The following DIP2C variants were observed in gnomAD, a reference collection of about 807,000 sequenced individuals.
The protein encoded by DIP2C is DIP2 acetate--CoA ligase C (putative), also known as disco-interacting protein 2 homolog C.
A neutral mutation model predicts 192.4 loss-of-function variants in DIP2C; 33 were observed. That is an observed-to-expected ratio of 0.17 (90% CI 0.13 to 0.23). The LOEUF is 0.23. DIP2C is among the 10% of genes least tolerant of loss of function. The probability of loss-of-function intolerance (pLI) is 1.00; values close to 1 mark genes in which losing one functional copy is unlikely to be tolerated. For missense variants in DIP2C, 1,537 were observed against 2,110.1 expected, an observed-to-expected ratio of 0.73 and a Z score of 5.32; for synonymous variants, 979 against 864.1, an observed-to-expected ratio of 1.13 and a Z score of -2.33.
intron 1 of DIP2C, among the ~76,000 whole-genome samples, chr10:673,382 C>T (rs1004836530): frequency 2.6e-5 from 4 of 152,212 alleles, no homozygotes; most frequent in Non-Finnish European, 5.9e-5. Context: ...GAAAAAGGAT[C>T]CACATGAGAG....
rs1320673537 is a variant in DIP2C at position 417,713 on chromosome 10, T to C, written c.739+1352A>G. ...GTCCGCCTGTGCCTGTCGGCTCAAATAGGCCTCCCTGTCTGCCTGCGCCTG... is the reference window on the plus strand; with the variant it reads ...GTCCGCCTGTGCCTGTCGGCTCAAACAGGCCTCCCTGTCTGCCTGCGCCTG... On this transcript the variant is annotated intron_variant, in intron 6 of 36. Coordinates refer to ENST00000280886, the MANE Select transcript of DIP2C (RefSeq NM_014974.3). 3.8e-3 allele frequency among the ~76,000 whole-genome samples: 382 copies of C among 99,310 alleles called. 94 individuals are homozygous for C. Among genetic ancestry groups the C allele is most frequent in the Admixed American group, 4.8e-3 (47 of 9,762 alleles). 65.2% of individuals were successfully genotyped at this position (99,310 alleles called of 152,430 possible). A position where few individuals can be genotyped will look rare whatever the true frequency, so the allele number is the denominator to read the frequency against.
At chr10:559,979 C>T (rs1238969624) in intron 1 of DIP2C, among the ~76,000 whole-genome samples, 1 of 140,116 alleles carries the variant, frequency 7.1e-6, no homozygotes, top group Non-Finnish European at 1.6e-5. Context: ...CCCCCCACTC[C>T]TGTTCTCCTC....
chr10:288,987 G>C (rs1404252975), intron 32 of DIP2C, among the ~76,000 whole-genome samples: 1 of 152,248 alleles, frequency 6.6e-6, no homozygotes, highest in Admixed American at 6.5e-5. Context: ...GGACATCGCA[G>C]CAGGCCACAA....
intron 3 of DIP2C, among the ~76,000 whole-genome samples, chr10:468,782 A>G (rs1460426563): frequency 1.3e-5 from 2 of 151,650 alleles, no homozygotes; most frequent in African/African-American, 2.4e-5. Flanking sequence ...TCTCAAAAAC[A>G]AACAAAAAAA....
intron 1 of DIP2C, among the ~76,000 whole-genome samples, chr10:500,516 C>A (rs1845149562): frequency 6.6e-6 from 1 of 152,256 alleles, no homozygotes; most frequent in East Asian, 1.9e-4. Flanking sequence ...TTATCCTGAA[C>A]TTTATTTCCT....
At chr10:310,156 T>TACTA (rs1277806852) in intron 31 of DIP2C, 64 bp from the exon 32 acceptor site, 6 of 1,413,346 alleles carry the variant, frequency 4.2e-6, no homozygotes, top group Non-Finnish European at 5.0e-6. Context: ...TCTGTGCTTC[T>TACTA]ACTAGTTAGG....
At chr10:278,219 G>A (rs1385527984) in intron 36 of DIP2C, among the ~76,000 whole-genome samples, 2 of 148,580 alleles carry the variant, frequency 1.3e-5, no homozygotes, top group African/African-American at 5.0e-5. Flanking sequence ...CTCTGTCTGT[G>A]CACCCGAGTC....
intron 1 of DIP2C, chr10:668,668 A>G (rs556183141): frequency 1.3e-5 from 2 of 152,386 alleles, no homozygotes; most frequent in Admixed American, 1.3e-4. Flanking sequence ...CAACACATTC[A>G]TACAACACAT....
In DIP2C at chr10:663,328, G is replaced by A. The variant is rs190242191; in HGVS notation, c.85+26166C>T. 401 of 168,426 alleles carry A rather than the reference G, an allele frequency of 2.4e-3. 1 individual carries two copies. Among genetic ancestry groups the A allele is most frequent in the African/African-American group, 8.8e-3 (371 of 42,252 alleles). The allele number at this position is 168,426 out of a possible 1,614,324, so 10.4% of individuals were successfully genotyped here. A position where few individuals can be genotyped will look rare whatever the true frequency, so the allele number is the denominator to read the frequency against. ...AACTTCGTAATGGCTTTTGAGGCTCGGGAACAGGGACAGTAGCTGCCCTGT... is the reference window on the plus strand; with the variant it reads ...AACTTCGTAATGGCTTTTGAGGCTCAGGAACAGGGACAGTAGCTGCCCTGT... On this transcript the variant is annotated intron_variant, in intron 1 of 36. Coordinates refer to ENST00000280886, the MANE Select transcript of DIP2C (RefSeq NM_014974.3).
intron 1 of DIP2C, among the ~76,000 whole-genome samples, chr10:661,841 C>T (rs1427058927): frequency 6.6e-6 from 1 of 152,196 alleles, no homozygotes; most frequent in South Asian, 2.1e-4. Context: ...CTAAGTATCT[C>T]TGAATCAGGT....
intron 29 of DIP2C, among the ~76,000 whole-genome samples, chr10:338,464 C>T (rs1454101560): frequency 1.3e-5 from 2 of 151,086 alleles, no homozygotes; most frequent in African/African-American, 4.9e-5. Context: ...CATCTTTTTA[C>T]TGTACCTTTT....
At chr10:680,407 CT>C (rs1451775595) in intron 1 of DIP2C, among the ~76,000 whole-genome samples, 5 of 152,180 alleles carry the variant, frequency 3.3e-5, no homozygotes, top group Non-Finnish European at 7.4e-5. Context: ...CTTCAATGTA[CT>C]TGACACCCTT....
At chr10:469,834 C>T (rs1200935180) in intron 3 of DIP2C, among the ~76,000 whole-genome samples, 1 of 152,230 alleles carries the variant, frequency 6.6e-6, no homozygotes, top group African/African-American at 2.4e-5. Context: ...AACCCAGCCG[C>T]TCCTACCTAA....
intron 1 of DIP2C, among the ~76,000 whole-genome samples, chr10:571,183 CAGAA>C (rs1849773569): frequency 6.6e-6 from 1 of 152,246 alleles, no homozygotes; most frequent in Non-Finnish European, 1.5e-5. Context: ...ATCCACAAAA[CAGAA>C]AGAACCCACA....
intron 29 of DIP2C, among the ~76,000 whole-genome samples, chr10:329,838 C>G (rs993748213): frequency 6.6e-6 from 1 of 152,176 alleles, no homozygotes; most frequent in African/African-American, 2.4e-5. Context: ...CCACTTTGAA[C>G]ACACATTTAA....
intron 1 of DIP2C, among the ~76,000 whole-genome samples, chr10:643,825 G>A (rs1855320770): frequency 6.6e-6 from 1 of 152,240 alleles, no homozygotes; most frequent in Non-Finnish European, 1.5e-5. Context: ...ACTTGTTACT[G>A]TTCACAAATG....
chr10:506,730 G>A (rs1287334958), intron 1 of DIP2C, among the ~76,000 whole-genome samples: 1 of 152,236 alleles, frequency 6.6e-6, no homozygotes, highest in Non-Finnish European at 1.5e-5. Context: ...GCCGGCCACA[G>A]CCTGGAGCCC....
Position 636,778 on chromosome 10 carries a change from A to G in DIP2C, c.85+52716T>C, listed in dbSNP as rs915466097. Among the ~76,000 whole-genome samples, 9 of 152,208 alleles carry G rather than the reference A, an allele frequency of 5.9e-5. No homozygotes were observed. Among genetic ancestry groups the G allele is most frequent in the African/African-American group, 2.2e-4 (9 of 41,440 alleles). On this transcript the variant is annotated intron_variant, in intron 1 of 36. Transcript: ENST00000280886. This position sits in a 1 kb window ranked among gnomAD's most constrained non-coding sequence, Gnocchi z 4.6. ...CGTCCCCCAGATGCATCTGTCTCTC[A>G]GGGCATCATTAAATTCCCTCTTATG...
intron 1 of DIP2C, among the ~76,000 whole-genome samples, chr10:519,821 T>A (rs1344922792): frequency 1.3e-5 from 2 of 152,192 alleles, no homozygotes; most frequent in Non-Finnish European, 2.9e-5. Flanking sequence ...TGGAGACAGA[T>A]CCCAGGCCTC....
Sources: gnomAD v4.1 joint callset for allele counts (sites outside exome capture counted in the v4.1 genomes callset) on GRCh38, gnomAD v4.1.1 for gene constraint, Gnocchi (gnomAD v3.1) non-coding constraint, MANE v1.5 for transcripts, NCBI Gene and HGNC (gene_info 2026-07-23, HGNC 2026-07-21) for gene names.